The following C1orf116 variants were observed in gnomAD, a reference collection of about 807,000 sequenced individuals.
The protein encoded by C1orf116 is specifically androgen-regulated gene protein.
C1orf116 carries 12 observed loss-of-function variants against 14.1 expected under a neutral mutation model. That is an observed-to-expected ratio of 0.85 (90% CI 0.54 to 1.38). C1orf116 has a LOEUF of 1.38. C1orf116 is among the 40% of genes most tolerant of loss of function. The pLI is 0.00. For synonymous variants in C1orf116, 296 were observed against 299.0 expected, an observed-to-expected ratio of 0.99 and a Z score of 0.10; for missense variants, 797 against 747.0, an observed-to-expected ratio of 1.07 and a Z score of -0.78.
rs762171409 is a variant in C1orf116 at position 207,023,208 on chromosome 1, G to T, written c.556C>A (p.Pro186Thr). Residue 186 changes from proline (P) to threonine (T), a missense_variant, in exon 4 of 4, where the codon CCC becomes ACC. By Grantham distance (38) the Pro-to-Thr change is conservative. Coordinates refer to ENST00000359470, the MANE Select transcript of C1orf116 (RefSeq NM_023938.6). The stretch of plus-strand genomic sequence containing the variant: ...TCCAAGTCAAGGGCAGCCTCCTGGG[G>T]GCTGGCAGGTGCCTGCCTGGGTTGG... ...SSQPRQAPAS[P>T]QEAALDLDVV... 14 of 1,609,674 alleles carry T rather than the reference G, an allele frequency of 8.7e-6. No homozygotes were observed. The highest frequency in any genetic ancestry group is 1.1e-5 in the South Asian group (1 of 90,400).
intron 1 of C1orf116, among the ~76,000 whole-genome samples, chr1:207,030,758 G>A (rs907222925): frequency 5.3e-5 from 8 of 152,212 alleles, no homozygotes; most frequent in African/African-American, 1.9e-4. Context: ...AACACTCAAG[G>A]TGAGAGTTTG....
intron 1 of C1orf116, 68 bp from the exon 2 acceptor site, chr1:207,027,747 C>CAGA: frequency 7.0e-7 from 1 of 1,433,760 alleles, no homozygotes; most frequent in Non-Finnish European, 9.2e-7. Context: ...AGGCCCTGGG[C>CAGA]GGCATGGCGG....
chr1:207,031,639 TGACTC>T (rs1682248270), intron 1 of C1orf116, among the ~76,000 whole-genome samples: 1 of 152,224 alleles, frequency 6.6e-6, no homozygotes, highest in African/African-American at 2.4e-5. Flanking sequence ...CTTGCTACTC[TGACTC>T]GACTCCTACA....
At chr1:207,029,223 C>T (rs1682174543) in intron 1 of C1orf116, among the ~76,000 whole-genome samples, 1 of 151,906 alleles carries the variant, frequency 6.6e-6, no homozygotes, top group South Asian at 2.1e-4. Flanking sequence ...CAGGAGAGAT[C>T]CCTAGTGAGC....
Position 207,022,295 on chromosome 1 carries a change from C to T in C1orf116, c.1469G>A (p.Gly490Glu). The change falls in exon 4 of 4, where the codon GGA becomes GAA. Residue 490 changes from glycine (G) to glutamate (E), a missense_variant. Physicochemically the swap from Gly to Glu is moderately conservative, Grantham distance 98 (BLOSUM62 -2). Transcript: ENST00000359470. ...KSNTLERSGV[G>E]LSSYLSTEKD... ...CTCAGTTGAAAGGTAGCTGCTCAGT[C>T]CCACGCCTGAGCGCTCCAGAGTGTT... 1 of 1,613,792 alleles carries T rather than the reference C, an allele frequency of 6.2e-7. No homozygotes were observed. The highest frequency in any genetic ancestry group is 1.1e-5 in the South Asian group (1 of 90,960).
At chr1:207,029,605 C>G (rs1478113454) in intron 1 of C1orf116, among the ~76,000 whole-genome samples, 1 of 152,158 alleles carries the variant, frequency 6.6e-6, no homozygotes. Context: ...GTTCTAGGGT[C>G]TATTAGGTTG....
chr1:207,027,576 G>A lies in C1orf116; in HGVS notation c.23C>T (p.Pro8Leu). The change falls in exon 2 of 4, where the codon CCA (proline) becomes CTA (leucine). Residue 8 changes from proline to leucine, a missense_variant. Coordinates refer to ENST00000359470, the MANE Select transcript of C1orf116 (RefSeq NM_023938.6). MPERELW[P>L]AGTGSEPVTR... ...CACGGGTTCTGAGCCAGTCCCCGCT[G>A]GCCACAGCTCCCTCTCGGGCATCAC... 6.2e-7 allele frequency: 1 copy of A among 1,613,302 alleles called. No homozygotes were observed.
chr1:207,024,977 C>A lies in C1orf116; in HGVS notation c.193G>T (p.Ala65Ser). 3 of 1,613,934 alleles carry A rather than the reference C, an allele frequency of 1.9e-6. No individual in the cohort carries two copies. Among genetic ancestry groups the A allele is most frequent in the Non-Finnish European group, 2.5e-6 (3 of 1,179,956 alleles). The change falls in exon 3 of 4, where the codon GCT becomes TCT. Residue 65 changes from alanine (A) to serine (S), a missense_variant. By Grantham distance (99) the Ala-to-Ser change is moderately conservative. Coordinates refer to ENST00000359470, the MANE Select transcript of C1orf116 (RefSeq NM_023938.6). ...TCGTCAGTGGACAGTCCGCTGTCAGCCTCCGTGTCCAGTGAGCCAATGGTC... is the reference window on the plus strand; with the variant it reads ...TCGTCAGTGGACAGTCCGCTGTCAGACTCCGTGTCCAGTGAGCCAATGGTC... The part of the protein sequence containing the change: ...EETIGSLDTE[A>S]DSGLSTDESE...
rs958145936 is a variant in C1orf116 at position 207,020,269 on chromosome 1, T to C, written c.*1689A>G. 1 of 152,214 alleles carries C rather than the reference T, an allele frequency of 6.6e-6. No individual in the cohort carries two copies. The highest frequency in any genetic ancestry group is 1.5e-5 in the Non-Finnish European group (1 of 68,050). The allele number at this position is 152,214 out of a possible 1,614,324, so 9.4% of individuals were successfully genotyped here. A position where few individuals can be genotyped will look rare whatever the true frequency, so the allele number is the denominator to read the frequency against. On this transcript the variant is annotated 3_prime_UTR_variant, in exon 4 of 4. Coordinates refer to ENST00000359470, the MANE Select transcript of C1orf116 (RefSeq NM_023938.6). ...GAAACCGCCACACCCACACCTCACA[T>C]ACCATGACAGGGTGGAGTATTTGTT...
In C1orf116 at chr1:207,022,050, G is replaced by C. The variant is rs371254188; in HGVS notation, c.1714C>G (p.Pro572Ala). 4 of 1,603,960 alleles carry C rather than the reference G, an allele frequency of 2.5e-6. No individual in the cohort carries two copies. Among genetic ancestry groups the C allele is most frequent in the Non-Finnish European group, 3.4e-6 (4 of 1,175,414 alleles). Residue 572 changes from proline (P) to alanine (A), a missense_variant, in exon 4 of 4, where the codon CCC (proline) becomes GCC (alanine). Coordinates refer to ENST00000359470, the MANE Select transcript of C1orf116 (RefSeq NM_023938.6). ...GAGATCTTGACACTGACACAGGGGG[G>C]GCGAGGAAGCTTGTCACGGCTCTGT... ...QGQSRDKLPR[P>A]PCVSVKISPK...
In C1orf116 at chr1:207,019,873, A is replaced by G. The variant is rs1258798410; in HGVS notation, c.*2085T>C. ...ACCTTTCTCAGGATGTGGGAATATA[A>G]TAGGCTGTACTCCTGATGACCTTGA... is the stretch of plus-strand genomic sequence containing the variant. On this transcript the variant is annotated 3_prime_UTR_variant, in exon 4 of 4. Coordinates refer to ENST00000359470, the MANE Select transcript of C1orf116 (RefSeq NM_023938.6). The G allele has an allele frequency of 6.6e-6, 1 of 152,134 alleles. No homozygotes were observed. The highest frequency in any genetic ancestry group is 1.5e-5 in the Non-Finnish European group (1 of 68,018). 9.4% of individuals were successfully genotyped at this position (152,134 alleles called of 1,614,324 possible).
At chr1:207,023,597 G>T (rs543621701) in intron 3 of C1orf116, 117 bp from the exon 4 acceptor site, 9 of 1,379,444 alleles carry the variant, frequency 6.5e-6, no homozygotes, top group South Asian at 1.6e-5. Context: ...AACTAGCAAT[G>T]AATGGGTTTT....
rs1454382610 is a variant in C1orf116, at chr1:207,022,341, T to C, written c.1423A>G (p.Arg475Gly). 1 of 1,613,800 alleles carries C rather than the reference T, an allele frequency of 6.2e-7. No homozygotes were observed. Among genetic ancestry groups the C allele is most frequent in the East Asian group, 2.2e-5 (1 of 44,880 alleles). Residue 475 changes from arginine (R) to glycine (G), a missense_variant, in exon 4 of 4, where the codon AGA (arginine) becomes GGA (glycine). Physicochemically the swap from Arg to Gly is moderately radical, Grantham distance 125. Transcript: ENST00000359470. ...TLQESNTPGL[R>G]QMNFKSNTLE... The stretch of plus-strand genomic sequence containing the variant: ...GTGTTGGACTTGAAGTTCATCTGTC[T>C]CAGGCCAGGGGTGTTGCTCTCCTGG...
chr1:207,024,864 C>T (rs775723861), intron 3 of C1orf116, 23 bp downstream of exon 3: 1 of 1,597,050 alleles, frequency 6.3e-7, no homozygotes, highest in South Asian at 1.1e-5. Context: ...TGCTGGGGTT[C>T]CACCCCAGAG....
Position 207,027,483 on chromosome 1 carries a change from G to A in C1orf116, c.105+11C>T. On this transcript the variant is annotated intron_variant, in intron 2 of 3. Transcript: ENST00000359470. ...AGCAGACCAGGTTGCGGGAGGGAGA[G>A]TATTACGTACAGATCCAGAGCGGGT... 1.2e-6 allele frequency: 2 copies of A among 1,613,670 alleles called. No individual in the cohort carries two copies. Among genetic ancestry groups the A allele is most frequent in the Non-Finnish European group, 1.7e-6 (2 of 1,179,988 alleles).
In C1orf116 at chr1:207,018,951, T is replaced by C. The variant is rs1009992852; in HGVS notation, c.*3007A>G. ...GTTCATCTCACACACTCACAGACCA[T>C]GTAGACTATTCAATCTACACCTCCA... On this transcript the variant is annotated 3_prime_UTR_variant, in exon 4 of 4. Coordinates refer to ENST00000359470, the MANE Select transcript of C1orf116 (RefSeq NM_023938.6). 4 of 151,954 alleles carry C rather than the reference T, an allele frequency of 2.6e-5. No individual in the cohort carries two copies. The highest frequency in any genetic ancestry group is 9.7e-5 in the African/African-American group (4 of 41,316). 9.4% of individuals were successfully genotyped at this position (151,954 alleles called of 1,614,324 possible).
chr1:207,026,019 G>A (rs1227164999), intron 2 of C1orf116, among the ~76,000 whole-genome samples: 2 of 152,126 alleles, frequency 1.3e-5, no homozygotes, highest in African/African-American at 2.4e-5. Flanking sequence ...GAGGTTGAAG[G>A]GAAAACAAAA....
chr1:207,024,662 C>G (rs1393114934), intron 3 of C1orf116, among the ~76,000 whole-genome samples: 1 of 152,222 alleles, frequency 6.6e-6, no homozygotes, highest in Non-Finnish European at 1.5e-5. Context: ...CCTTCTAGAG[C>G]TCTGATACTT....
At chr1:207,023,534 G>T (rs1043154266) in intron 3 of C1orf116, 54 bp from the exon 4 acceptor site, 5 of 1,523,762 alleles carry the variant, frequency 3.3e-6, no homozygotes, top group Non-Finnish European at 4.4e-6. Context: ...GTGGACAGAG[G>T]TGAGGGCCCT....
Sources: allele counts gnomAD v4.1 joint callset (sites outside exome capture counted in the v4.1 genomes callset), GRCh38; gene constraint gnomAD v4.1.1; transcripts MANE v1.5; gene names NCBI Gene and HGNC (gene_info 2026-07-23, HGNC 2026-07-21).